Variants in INTS9 observed in about 807,000 individuals in gnomAD.
INTS9 encodes the protein protein related to CPSF subunits of 74 kDa.
A neutral mutation model predicts 79.7 loss-of-function variants in INTS9; 55 were observed. That is an observed-to-expected ratio of 0.69 (90% CI 0.56 to 0.86). The LOEUF is 0.86. Among genes scored for constraint, INTS9 ranks in the 40% least tolerant of loss-of-function variants. INTS9 has a pLI of 0.00. For synonymous variants in INTS9, 319 were observed against 325.2 expected (o/e 0.98, Z 0.20); for missense variants, 721 against 831.5 (o/e 0.87, Z 1.64).
chr8:28,838,949 T>G (rs967948310), intron 4 of INTS9, among the ~76,000 whole-genome samples: 3 of 152,162 alleles, frequency 2.0e-5, no homozygotes, highest in African/African-American at 7.2e-5. Context: ...GTGCTTCTGT[T>G]GAAGGAATGC....
chr8:28,849,718 A>G (rs1807722081), intron 3 of INTS9, among the ~76,000 whole-genome samples: 1 of 152,140 alleles, frequency 6.6e-6, no homozygotes, highest in South Asian at 2.1e-4. Context: ...GTCCTTCTGT[A>G]ACCTTCTGTG....
At position 28,800,559 on chromosome 8, in the gene INTS9, T is replaced by A. The variant is rs241165; in HGVS notation, c.745-3904A>T. Among the ~76,000 whole-genome samples the A allele has an allele frequency of 3.0e-3, 453 of 152,132 alleles. 1 individual carries two copies. The highest frequency in any genetic ancestry group is 0.011 in the African/African-American group (436 of 41,494). On this transcript the variant is annotated intron_variant, in intron 8 of 16. Transcript: ENST00000521022. ...ATTTCACCAAAGGAGGTGGGTGAGA[T>A]CAAACAGACAGAGAACATTTTTAAG...
At chr8:28,872,529 T>C (rs1585515442) in intron 1 of INTS9, among the ~76,000 whole-genome samples, 1 of 151,876 alleles carries the variant, frequency 6.6e-6, no homozygotes, top group East Asian at 1.9e-4. Flanking sequence ...TGTAGCCATG[T>C]AAGAAAATGC....
In INTS9 at chr8:28,768,042, C is replaced by T. The variant is rs1664446394; in HGVS notation, c.*104G>A. The T allele has an allele frequency of 9.4e-7, 1 of 1,064,694 alleles. No individual in the cohort carries two copies. The allele number at this position is 1,064,694 out of a possible 1,614,324, so 66.0% of individuals were successfully genotyped here. On this transcript the variant is annotated 3_prime_UTR_variant, in exon 17 of 17. Transcript: ENST00000521022. ...CTTCACTCCTTAAGCCAGAGGACAC[C>T]ACAAAGACACAGTTAATGGCCTCTC... is the stretch of plus-strand genomic sequence containing the variant.
At chr8:28,853,962 G>A (rs1025674194) in intron 2 of INTS9, among the ~76,000 whole-genome samples, 17 of 151,976 alleles carry the variant, frequency 1.1e-4, no homozygotes, top group African/African-American at 4.1e-4. Flanking sequence ...CTCGTGATCT[G>A]CCCGCGCCTC....
At chr8:28,871,748 G>C (rs374019709) in intron 1 of INTS9, among the ~76,000 whole-genome samples, 2 of 152,032 alleles carry the variant, frequency 1.3e-5, no homozygotes, top group African/African-American at 4.8e-5. Flanking sequence ...CCATGATCTT[G>C]GGAGAAAATA....
intron 2 of INTS9, among the ~76,000 whole-genome samples, chr8:28,856,157 C>G (rs879406111): frequency 6.6e-6 from 1 of 152,126 alleles, no homozygotes; most frequent in Non-Finnish European, 1.5e-5. Context: ...ACGAGAATGA[C>G]TACAGCAGCA....
rs183998955 is a variant in INTS9, at chr8:28,835,839, G to A, written c.402-461C>T. 3.0e-4 allele frequency among the ~76,000 whole-genome samples: 46 copies of A among 150,882 alleles called. No individual in the cohort carries two copies. The East Asian group carries it at 3.3e-3, about 11-fold the overall frequency. On this transcript the variant is annotated intron_variant, in intron 5 of 16. Coordinates refer to ENST00000521022, the MANE Select transcript of INTS9 (RefSeq NM_018250.4). Reference sequence around the variant, plus strand: ...TTTTTTTTTTTTGAGACAGAGTTTCGTTCTTGTTGCCCAGGCTAGACTGCA... The same window carrying A: ...TTTTTTTTTTTTGAGACAGAGTTTCATTCTTGTTGCCCAGGCTAGACTGCA...
chr8:28,848,750 T>C lies in INTS9; in HGVS notation c.198+1463A>G, dbSNP rs146487384. On this transcript the variant is annotated intron_variant, in intron 3 of 16. Transcript: ENST00000521022. ...TATGATGAAGTCTCCTCACAGGCTC[T>C]CATCCTTCCCGGCCTGCAGAAGCAT... Among the ~76,000 whole-genome samples, 500 of 152,338 alleles carry C rather than the reference T, an allele frequency of 3.3e-3. 3 individuals are homozygous for C. The highest frequency in any genetic ancestry group is 0.011 in the African/African-American group (475 of 41,586).
Position 28,780,880 on chromosome 8 carries a change from C to G in INTS9, c.1213G>C (p.Val405Leu), listed in dbSNP as rs1431810426. 1.4e-5 allele frequency: 23 copies of G among 1,614,088 alleles called. No homozygotes were observed. Among genetic ancestry groups the G allele is most frequent in the Non-Finnish European group, 1.7e-5 (20 of 1,180,054 alleles). Residue 405 changes from valine to leucine, a missense_variant, in exon 12 of 17, where the codon GTG (valine) becomes CTG (leucine). Physicochemically the swap from Val to Leu is conservative, Grantham distance 32. This residue lies in a region of INTS9 where 149 missense variants were observed against 223.7 expected (regional missense o/e 0.67). Coordinates refer to ENST00000521022, the MANE Select transcript of INTS9 (RefSeq NM_018250.4). ...CCCCAGAGCTCCATGAAGTGGACCA[C>G]GTCCCCGAAGCGGAGGGAAGGGTGC... is the stretch of plus-strand genomic sequence containing the variant. ...TGHPSLRFGD[V>L]VHFMELWGKS... is the part of the protein sequence containing the mutation.
intron 1 of INTS9, among the ~76,000 whole-genome samples, chr8:28,887,653 G>A (rs1364607857): frequency 6.6e-6 from 1 of 152,112 alleles, no homozygotes; most frequent in African/African-American, 2.4e-5. Context: ...CAACCATTTG[G>A]GAGGCATGAC....
intron 12 of INTS9, among the ~76,000 whole-genome samples, chr8:28,779,546 C>T (rs572838816): frequency 1.3e-5 from 2 of 152,146 alleles, no homozygotes; most frequent in Non-Finnish European, 2.9e-5. Context: ...CCCGCTATGC[C>T]GGCTCCATTC....
At chr8:28,773,050 C>T (rs1374883872) in intron 14 of INTS9, among the ~76,000 whole-genome samples, 1 of 152,072 alleles carries the variant, frequency 6.6e-6, no homozygotes, top group African/African-American at 2.4e-5. Context: ...AATCTTTGAC[C>T]CAGAAATTCT....
At chr8:28,858,634 CTGA>C (rs1172682418) in intron 2 of INTS9, among the ~76,000 whole-genome samples, 4 of 152,288 alleles carry the variant, frequency 2.6e-5, no homozygotes, top group Admixed American at 6.5e-5. Flanking sequence ...AAATCAATAG[CTGA>C]TGATAATTTT....
chr8:28,812,235 G>T, intron 8 of INTS9, 92 bp downstream of exon 8: 1 of 1,290,458 alleles, frequency 7.7e-7, no homozygotes, highest in Non-Finnish European at 1.1e-6. Context: ...ATATTTGGAA[G>T]ATTTAAAAAT....
chr8:28,887,222 C>T (rs963955972), intron 1 of INTS9, among the ~76,000 whole-genome samples: 1 of 152,102 alleles, frequency 6.6e-6, no homozygotes, highest in African/African-American at 2.4e-5. Context: ...ACATATTCAA[C>T]CAAGTTAAGT....
intron 4 of INTS9, among the ~76,000 whole-genome samples, chr8:28,841,651 T>C (rs906627374): frequency 5.3e-5 from 8 of 152,198 alleles, no homozygotes; most frequent in African/African-American, 1.9e-4. Flanking sequence ...AAAATAACTT[T>C]TGACTCCCCC....
At chr8:28,874,881 C>T (rs1476322332) in intron 1 of INTS9, among the ~76,000 whole-genome samples, 3 of 152,170 alleles carry the variant, frequency 2.0e-5, no homozygotes. Flanking sequence ...CTGATAAAGA[C>T]ATACCTGAGA....
At chr8:28,877,647 T>C (rs1199832964) in intron 1 of INTS9, among the ~76,000 whole-genome samples, 2 of 152,216 alleles carry the variant, frequency 1.3e-5, no homozygotes, top group Non-Finnish European at 2.9e-5. Context: ...ACAATGTTAA[T>C]TGATAGAAGT....
Sources: allele counts gnomAD v4.1 joint callset (sites outside exome capture counted in the v4.1 genomes callset), GRCh38; gene constraint gnomAD v4.1.1; regional missense constraint gnomAD v4.1.1; transcripts MANE v1.5; gene names NCBI Gene and HGNC (gene_info 2026-07-23, HGNC 2026-07-21).